Variants in POLR1B observed in about 807,000 individuals in gnomAD.
POLR1B encodes RNA polymerase I subunit B, also known as DNA-directed RNA polymerase I subunit RPA2.
In POLR1B, 30 loss-of-function variants were observed where a neutral mutation model predicts 105.8. The ratio of observed to expected loss-of-function variants is 0.28; its 90% CI spans 0.21 to 0.38. The LOEUF (loss-of-function observed/expected upper bound fraction) is 0.38. Among genes scored for constraint, POLR1B ranks in the 10% least tolerant of loss-of-function variants. The probability of loss-of-function intolerance (pLI) is 1.00; values close to 1 mark genes in which losing one functional copy is unlikely to be tolerated. For synonymous variants in POLR1B, 485 were observed against 505.1 expected (o/e 0.96, Z 0.53); for missense variants, 976 against 1,435.8 (o/e 0.68, Z 5.17).
Position 112,552,780 on chromosome 2 carries a change from C to G in POLR1B, c.1122C>G (p.Val374=). ...CTGATAGTTTGGTGAACCAGGAAGT[C>G]CTCACACCGGGTCAGCTCTTCCTTA... ...DNPDSLVNQE[V]LTPGQLFLMF... Residue 374 remains valine, a synonymous_variant, in exon 7 of 15, where the codon GTC becomes GTG. Coordinates refer to ENST00000263331, the MANE Select transcript of POLR1B (RefSeq NM_019014.6). 1 of 1,605,470 alleles carries G rather than the reference C, an allele frequency of 6.2e-7. No individual in the cohort carries two copies. Among genetic ancestry groups the G allele is most frequent in the Non-Finnish European group, 8.5e-7 (1 of 1,176,770 alleles).
At position 112,552,777 on chromosome 2, in the gene POLR1B, A is replaced by G. The variant is rs1173174803; in HGVS notation, c.1119A>G (p.Glu373=). 7 of 1,608,078 alleles carry G rather than the reference A, an allele frequency of 4.4e-6. No individual in the cohort carries two copies. Among genetic ancestry groups the G allele is most frequent in the Non-Finnish European group, 5.9e-6 (7 of 1,177,744 alleles). The change falls in exon 7 of 15, where the codon GAA becomes GAG. Residue 373 remains glutamate, a synonymous_variant. Transcript: ENST00000263331. ...EDNPDSLVNQ[E]VLTPGQLFLM... ...ATCCTGATAGTTTGGTGAACCAGGA[A>G]GTCCTCACACCGGGTCAGCTCTTCC...
intron 10 of POLR1B, among the ~76,000 whole-genome samples, chr2:112,567,530 C>T (rs1023056262): frequency 6.6e-6 from 1 of 151,908 alleles, no homozygotes; most frequent in Non-Finnish European, 1.5e-5. Context: ...CAGGCACGTA[C>T]CACCACACTC....
rs572027717 is a variant in POLR1B, at chr2:112,552,708, G to A, written c.1050G>A (p.Thr350=). The A allele has an allele frequency of 2.5e-5, 40 of 1,611,836 alleles. No homozygotes were observed. The highest frequency in any genetic ancestry group is 1.3e-4 in the East Asian group (6 of 44,736). ...AGTTTTATATGCTTTGTCTCATGAC[G>A]CGAAAGCTCTTTGCTTTAGCCAAAG... ...TEKFYMLCLM[T]RKLFALAKGE... is the part of the protein sequence containing the mutation. Residue 350 remains threonine (T), a synonymous_variant, in exon 7 of 15, where the codon ACG becomes ACA. Transcript: ENST00000263331.
In POLR1B at chr2:112,561,156, G is replaced by A. The variant is rs577323764; in HGVS notation, c.1612+1582G>A. ...TCAAGATTCAGAAGATGTAATCAGC[G>A]TAATTTGAAGGTTTATCCTCTACGA... On this transcript the variant is annotated intron_variant, in intron 9 of 14. Transcript: ENST00000263331. 1.5e-3 allele frequency among the ~76,000 whole-genome samples: 233 copies of A among 152,186 alleles called. 2 individuals are homozygous for A. Among genetic ancestry groups the A allele is most frequent in the African/African-American group, 5.4e-3 (225 of 41,524 alleles).
intron 14 of POLR1B, 78 bp downstream of exon 14, chr2:112,573,893 C>A: frequency 6.6e-7 from 1 of 1,525,536 alleles, no homozygotes; most frequent in East Asian, 2.3e-5. Flanking sequence ...GTCAGCCGGG[C>A]TGGAGTGCAG....
intron 12 of POLR1B, 88 bp downstream of exon 12, chr2:112,568,990 T>C: frequency 7.4e-7 from 1 of 1,342,646 alleles, no homozygotes; most frequent in Non-Finnish European, 1.0e-6. Flanking sequence ...TTACATATGC[T>C]GACCATTTGT....
chr2:112,574,794 T>C (rs965920144), intron 14 of POLR1B, 53 bp from the exon 15 acceptor site: 1 of 1,406,370 alleles, frequency 7.1e-7, no homozygotes, highest in Non-Finnish European at 9.7e-7. Context: ...ATGAAACTTA[T>C]CTCCATAAGT....
At chr2:112,545,221 T>A (rs1358121576) in intron 1 of POLR1B, among the ~76,000 whole-genome samples, 2 of 152,182 alleles carry the variant, frequency 1.3e-5, no homozygotes, top group African/African-American at 4.8e-5. Flanking sequence ...ATACATGCAT[T>A]TAACATAGGC....
chr2:112,550,289 A>G (rs145074030), intron 4 of POLR1B, among the ~76,000 whole-genome samples: 2 of 152,378 alleles, frequency 1.3e-5, no homozygotes, highest in East Asian at 3.9e-4. Context: ...CTGTTGGAAC[A>G]TTCTCTTTGA....
rs1036144415 is a variant in POLR1B at position 112,559,636 on chromosome 2, G to A, written c.1612+62G>A. 12 of 1,551,922 alleles carry A rather than the reference G, an allele frequency of 7.7e-6. No individual in the cohort carries two copies. In the Admixed American group the frequency reaches 2.2e-4, roughly 28 times the overall value. On this transcript the variant is annotated intron_variant, in intron 9 of 14. Coordinates refer to ENST00000263331, the MANE Select transcript of POLR1B (RefSeq NM_019014.6). ...ATGTGGGTTTTTTTGTGTTCTTTTT[G>A]TTTGTTTGTTTTGAGATGGAGTGTT...
upstream of POLR1B, chr2:112,542,100 CAG>C (rs1412351039): frequency 1.3e-6 from 2 of 1,535,280 alleles, no homozygotes; most frequent in African/African-American, 2.7e-5. Flanking sequence ...TGAAGGGAAA[CAG>C]AAGAGAGCCT....
At chr2:112,562,432 A>G (rs1336464381) in intron 9 of POLR1B, among the ~76,000 whole-genome samples, 1 of 152,034 alleles carries the variant, frequency 6.6e-6, no homozygotes, top group Non-Finnish European at 1.5e-5. Context: ...AGCAATACAA[A>G]AGCCTTCAGG....
intron 7 of POLR1B, 34 bp downstream of exon 7, chr2:112,552,850 G>A: frequency 2.0e-6 from 3 of 1,474,568 alleles, no homozygotes; most frequent in Non-Finnish European, 2.7e-6. Flanking sequence ...TTGGCCAGTG[G>A]TACCACTTGT....
rs141184015 is a variant in POLR1B, at chr2:112,544,866, A to G, written c.178-2146A>G. Among the ~76,000 whole-genome samples, 616 of 152,234 alleles carry G rather than the reference A, an allele frequency of 4.0e-3. 4 individuals are homozygous for G. Among genetic ancestry groups the G allele is most frequent in the Middle Eastern group, 0.01 (3 of 294 alleles). On this transcript the variant is annotated intron_variant, in intron 1 of 14. Coordinates refer to ENST00000263331, the MANE Select transcript of POLR1B (RefSeq NM_019014.6). Reference sequence around the variant, plus strand: ...TATGTGTCTGTCTTTTCAAAATACAATTGATTTTTATTACTTGGGGATTCC... The same window carrying G: ...TATGTGTCTGTCTTTTCAAAATACAGTTGATTTTTATTACTTGGGGATTCC...
In POLR1B at chr2:112,576,050, G is replaced by A. The variant is rs1684844385; in HGVS notation, c.*321G>A. The A allele has an allele frequency of 3.0e-6, 1 of 334,240 alleles. No individual in the cohort carries two copies. The highest frequency in any genetic ancestry group is 4.6e-5 in the Admixed American group (1 of 21,640). 20.7% of individuals were successfully genotyped at this position (334,240 alleles called of 1,614,324 possible). ...ACCCTGCTCTCAGCAGGCAGTGAGT[G>A]TCACACACCTGTTAATCCATCTTGA... On this transcript the variant is annotated 3_prime_UTR_variant, in exon 15 of 15. Coordinates refer to ENST00000263331, the MANE Select transcript of POLR1B (RefSeq NM_019014.6).
intron 3 of POLR1B, among the ~76,000 whole-genome samples, chr2:112,547,986 C>A (rs1683147116): frequency 6.6e-6 from 1 of 151,980 alleles, no homozygotes; most frequent in Non-Finnish European, 1.5e-5. Context: ...CAGGAGGCCT[C>A]ACTACAGTGA....
rs1235666183 is a variant in POLR1B, at chr2:112,577,644, C to T, written c.*1915C>T. 1.3e-5 allele frequency among the ~76,000 whole-genome samples: 2 copies of T among 151,854 alleles called. No individual in the cohort carries two copies. Among genetic ancestry groups the T allele is most frequent in the African/African-American group, 4.8e-5 (2 of 41,346 alleles). ...TTGCTTGAACCCAGGAATTCAAGTCCAATCTGGGCAACATGGGGAAACCCC... is the reference window on the plus strand; with the variant it reads ...TTGCTTGAACCCAGGAATTCAAGTCTAATCTGGGCAACATGGGGAAACCCC... On this transcript the variant is annotated 3_prime_UTR_variant, in exon 15 of 15. Transcript: ENST00000263331.
chr2:112,564,268 T>G (rs1429411938), intron 9 of POLR1B, 98 bp from the exon 10 acceptor site: 1 of 1,401,916 alleles, frequency 7.1e-7, no homozygotes, highest in Admixed American at 2.0e-5. Flanking sequence ...TAATTTGATA[T>G]CTGAACTGAT....
chr2:112,573,891 G>T (rs1684724158), intron 14 of POLR1B, 76 bp downstream of exon 14: 2 of 1,531,814 alleles, frequency 1.3e-6, no homozygotes, highest in Non-Finnish European at 1.8e-6. Flanking sequence ...GTGTCAGCCG[G>T]GCTGGAGTGC....
Sources: allele counts gnomAD v4.1 joint callset (sites outside exome capture counted in the v4.1 genomes callset), GRCh38; gene constraint gnomAD v4.1.1; transcripts MANE v1.5; gene names NCBI Gene and HGNC (gene_info 2026-07-23, HGNC 2026-07-21).